Variants in TRIM50 observed in about 807,000 individuals in gnomAD.
TRIM50 encodes tripartite motif containing 50, also known as E3 ubiquitin-protein ligase TRIM50.
Under a neutral mutation model 44.9 loss-of-function variants are expected in TRIM50, and 34 were observed. The ratio of observed to expected loss-of-function variants is 0.76; its 90% CI spans 0.58 to 1.01. TRIM50 has a LOEUF of 1.01. Among genes scored for constraint, TRIM50 ranks in the 50% least tolerant of loss-of-function variants. The pLI, the probability that TRIM50 is intolerant of heterozygous loss-of-function variation, is 0.00. For missense variants in TRIM50, 633 were observed against 663.7 expected, an observed-to-expected ratio of 0.95 and a Z score of 0.51; for synonymous variants, 307 against 291.1, an observed-to-expected ratio of 1.05 and a Z score of -0.56.
Position 73,318,780 on chromosome 7 carries a change from C to T in TRIM50, c.726+42G>A, listed in dbSNP as rs372832421. On this transcript the variant is annotated intron_variant, in intron 4 of 6. Coordinates refer to ENST00000333149, the MANE Select transcript of TRIM50 (RefSeq NM_178125.3). The stretch of plus-strand genomic sequence containing the variant: ...TAGGGCACTGTTGGGAAGGGGAAGG[C>T]CCTGGCGGGTATGGGGATGGGACGC... 58 of 1,613,990 alleles carry T rather than the reference C, an allele frequency of 3.6e-5. No individual in the cohort carries two copies. The African/African-American group carries it at 5.9e-4, about 16-fold the overall frequency.
chr7:73,320,513 C>A (rs1804469900), intron 2 of TRIM50, among the ~76,000 whole-genome samples: 1 of 151,962 alleles, frequency 6.6e-6, no homozygotes, highest in Admixed American at 6.6e-5. Flanking sequence ...GCCTGGCCAA[C>A]ATAGTGAAAC....
At chr7:73,324,205 T>A (rs1804558876) in intron 2 of TRIM50, among the ~76,000 whole-genome samples, 184 bp downstream of exon 2, 1 of 152,154 alleles carries the variant, frequency 6.6e-6, no homozygotes, top group Admixed American at 6.5e-5. Context: ...CCTGTTCGTG[T>A]GGCTTCAATC....
At chr7:73,317,012 A>T (rs1554544192) in intron 5 of TRIM50, 1 of 213,368 alleles carries the variant, frequency 4.7e-6, no homozygotes, top group African/African-American at 2.3e-5. Context: ...CTTAGACCCC[A>T]CACCAGACCT....
intron 3 of TRIM50, among the ~76,000 whole-genome samples, 180 bp downstream of exon 3, chr7:73,319,967 G>A (rs371428895): frequency 2.0e-5 from 3 of 152,324 alleles, no homozygotes; most frequent in Non-Finnish European, 2.9e-5. Context: ...CAGTCCTAAC[G>A]ACAACTGGGT....
At chr7:73,318,263 G>A (rs1199305516) in intron 5 of TRIM50, among the ~76,000 whole-genome samples, 11 of 152,114 alleles carry the variant, frequency 7.2e-5, no homozygotes, top group African/African-American at 2.7e-4. Context: ...TGAGTAGCGG[G>A]GACTATAGGC....
intron 3 of TRIM50, 35 bp from the exon 4 acceptor site, chr7:73,319,087 A>G (rs1804432771): frequency 6.2e-7 from 1 of 1,613,774 alleles, no homozygotes; most frequent in Non-Finnish European, 8.5e-7. Flanking sequence ...GCAGAGTCAC[A>G]GCCGAGCTGC....
rs371419477 is a variant in TRIM50, at chr7:73,318,639, G to T, written c.749+48C>A. The stretch of plus-strand genomic sequence containing the variant: ...AGGAACCAGTGGAGCTGAGATGCCC[G>T]TGCCCGCAGCCACCAGACCCTGGCT... On this transcript the variant is annotated intron_variant, in intron 5 of 6. Transcript: ENST00000333149. 4 of 1,612,132 alleles carry T rather than the reference G, an allele frequency of 2.5e-6. No individual in the cohort carries two copies. In the South Asian group the frequency reaches 4.4e-5, roughly 18 times the overall value.
intron 6 of TRIM50, chr7:73,314,317 T>A: frequency 2.8e-6 from 1 of 358,160 alleles, no homozygotes; most frequent in South Asian, 2.7e-5. Context: ...CCATCCTCTA[T>A]AAGTAGCAGA....
At chr7:73,319,128 C>T in intron 3 of TRIM50, 76 bp from the exon 4 acceptor site, 3 of 1,609,790 alleles carry the variant, frequency 1.9e-6, no homozygotes, top group South Asian at 1.1e-5. Context: ...TCGGTGTCCC[C>T]AGGGCCTTCC....
rs117203278 is a variant in TRIM50, at chr7:73,313,443, C to T, written c.942G>A (p.Thr314=). 4.0e-3 allele frequency: 6,217 copies of T among 1,559,538 alleles called. 20 individuals carry two copies. Among genetic ancestry groups the T allele is most frequent in the Middle Eastern group, 5.4e-3 (32 of 5,976 alleles). ...HPLLELSKGN[T]VVQCGLLAQR... Reference sequence around the variant, plus strand: ...GGGCCAGAAGCCCGCACTGCACCACCGTGTTGCCCTTGGAGAGCTCCAGGA... The same window carrying T: ...GGGCCAGAAGCCCGCACTGCACCACTGTGTTGCCCTTGGAGAGCTCCAGGA... The change falls in exon 7 of 7, where the codon ACG becomes ACA. Residue 314 remains threonine, a synonymous_variant. Transcript: ENST00000333149. The surrounding 1 kb of genome is among the most constrained non-coding windows in gnomAD (Gnocchi z 4.9).
intron 1 of TRIM50, among the ~76,000 whole-genome samples, chr7:73,326,169 C>T (rs1420210446): frequency 2.6e-5 from 4 of 151,868 alleles, no homozygotes; most frequent in Non-Finnish European, 5.9e-5. Flanking sequence ...GGATTACAGG[C>T]GTGAGCCTTA....
chr7:73,325,050 G>A (rs1356126530), intron 1 of TRIM50, among the ~76,000 whole-genome samples: 1 of 146,900 alleles, frequency 6.8e-6, no homozygotes, highest in African/African-American at 2.5e-5. Context: ...GTGTGTGTGT[G>A]TGTCTACATT....
At chr7:73,315,109 G>A in intron 6 of TRIM50, 2 of 299,572 alleles carry the variant, frequency 6.7e-6, no homozygotes, top group African/African-American at 2.2e-5. Flanking sequence ...CAAATGTGAT[G>A]AGATCCGCCA....
At position 73,313,507 on chromosome 7, in the gene TRIM50, G is replaced by A. The variant is rs782663544; in HGVS notation, c.878C>T (p.Pro293Leu). The change falls in exon 7 of 7, where the codon CCG (proline) becomes CTG (leucine). Residue 293 changes from proline (P) to leucine (L), a missense_variant. Physicochemically the swap from Pro to Leu is moderately conservative, Grantham distance 98. Transcript: ENST00000333149. This position sits in a 1 kb window ranked among gnomAD's most constrained non-coding sequence, Gnocchi z 4.9. ...KRLFRKVLPAPEPLKLDPATA... is the reference protein window; with the variant it reads ...KRLFRKVLPALEPLKLDPATA... Reference sequence around the variant, plus strand: ...GGCAGGGTCCAACTTGAGAGGCTCCGGGGCTGGGAGGGAGATCACAGAGGG... The same window carrying A: ...GGCAGGGTCCAACTTGAGAGGCTCCAGGGCTGGGAGGGAGATCACAGAGGG... 3 of 1,497,242 alleles carry A rather than the reference G, an allele frequency of 2.0e-6. No homozygotes were observed. The highest frequency in any genetic ancestry group is 2.5e-5 in the South Asian group (2 of 78,714). 92.7% of individuals were successfully genotyped at this position (1,497,242 alleles called of 1,614,324 possible).
chr7:73,319,217 T>A (rs1282891535), intron 3 of TRIM50, among the ~76,000 whole-genome samples, 165 bp from the exon 4 acceptor site: 4 of 151,640 alleles, frequency 2.6e-5, no homozygotes, highest in Non-Finnish European at 5.9e-5. Context: ...ACCCCATGCA[T>A]GGGGAGCCCT....
At chr7:73,319,298 AT>A (rs1183995151) in intron 3 of TRIM50, among the ~76,000 whole-genome samples, 25 of 147,606 alleles carry the variant, frequency 1.7e-4, no homozygotes, top group Non-Finnish European at 1.8e-4. Context: ...GCCTGTTTTA[AT>A]TTTTTTTTTT....
chr7:73,312,916 C>A lies in TRIM50; in HGVS notation c.*5G>T, dbSNP rs1554543159. On this transcript the variant is annotated 3_prime_UTR_variant, in exon 7 of 7. Coordinates refer to ENST00000333149, the MANE Select transcript of TRIM50 (RefSeq NM_178125.3). ...GCCTGTGGGCCGGCAGGACTCCGGG[C>A]GGCCCTACAGCTTGGTGGGCTGCTC... 5.9e-6 allele frequency: 9 copies of A among 1,524,574 alleles called. No individual in the cohort carries two copies. In the East Asian group the frequency reaches 7.4e-5, roughly 12 times the overall value. 94.4% of individuals were successfully genotyped at this position (1,524,574 alleles called of 1,614,324 possible). A position where few individuals can be genotyped will look rare whatever the true frequency, so the allele number is the denominator to read the frequency against.
In TRIM50 at chr7:73,313,316, T is replaced by C. The variant is rs782181728; in HGVS notation, c.1069A>G (p.Ser357Gly). 6 of 1,606,312 alleles carry C rather than the reference T, an allele frequency of 3.7e-6. No individual in the cohort carries two copies. The South Asian group carries it at 5.6e-5, about 15-fold the overall frequency. The change falls in exon 7 of 7, where the codon AGC (serine) becomes GGC (glycine). Residue 357 changes from serine to glycine, a missense_variant. Coordinates refer to ENST00000333149, the MANE Select transcript of TRIM50 (RefSeq NM_178125.3). This position sits in a 1 kb window ranked among gnomAD's most constrained non-coding sequence, Gnocchi z 4.9. ...ACCCCCAGGCGCCAGTCGCTCTTGCTGCCCACCACCACCTCCCAGTAGTGG... is the reference window on the plus strand; with the variant it reads ...ACCCCCAGGCGCCAGTCGCTCTTGCCGCCCACCACCACCTCCCAGTAGTGG... Reference protein sequence around the residue: ...GRHYWEVVVGSKSDWRLGVIK... With the variant: ...GRHYWEVVVGGKSDWRLGVIK...
In TRIM50 at chr7:73,313,403, G is replaced by C; in HGVS notation, c.982C>G (p.Gln328Glu). The C allele has an allele frequency of 1.3e-6, 2 of 1,580,692 alleles. No homozygotes were observed. Among genetic ancestry groups the C allele is most frequent in the Non-Finnish European group, 1.7e-6 (2 of 1,166,926 alleles). ...GTGCTGTAGTCGAAGCGCTCAGGCT[G>C]GCTGGCTCGCCGCTGGGCCAGAAGC... ...CGLLAQRRAS[Q>E]PERFDYSTCV... Residue 328 changes from glutamine to glutamate, a missense_variant, in exon 7 of 7, where the codon CAG (glutamine) becomes GAG (glutamate). Gln to Glu is a conservative substitution (Grantham distance 29). Transcript: ENST00000333149. This position sits in a 1 kb window ranked among gnomAD's most constrained non-coding sequence, Gnocchi z 4.9.
Sources: gnomAD v4.1 joint callset for allele counts (sites outside exome capture counted in the v4.1 genomes callset) on GRCh38, gnomAD v4.1.1 for gene constraint, Gnocchi (gnomAD v3.1) non-coding constraint, MANE v1.5 for transcripts, NCBI Gene and HGNC (gene_info 2026-07-23, HGNC 2026-07-21) for gene names.